Variants in DECR1 observed in about 807,000 individuals in gnomAD.
DECR1 encodes 2,4-dienoyl-CoA reductase 1, also known as 2,4-dienoyl-CoA reductase [(3E)-enoyl-CoA-producing], mitochondrial.
Under a neutral mutation model 38.8 loss-of-function variants are expected in DECR1, and 44 were observed. The ratio of observed to expected loss-of-function variants is 1.13; its 90% CI spans 0.89 to 1.46. The LOEUF (loss-of-function observed/expected upper bound fraction) is 1.46, where lower values mean the gene tolerates loss of function less well. Among genes scored for constraint, DECR1 ranks in the 40% most tolerant of loss-of-function variants. The pLI is 0.00. For synonymous variants in DECR1, 148 were observed against 135.2 expected, an observed-to-expected ratio of 1.09 and a Z score of -0.66; for missense variants, 428 against 405.5, an observed-to-expected ratio of 1.06 and a Z score of -0.48.
At chr8:90,039,127 C>A (rs1343505667) in intron 6 of DECR1, among the ~76,000 whole-genome samples, 12 of 152,144 alleles carry the variant, frequency 7.9e-5, no homozygotes, top group Admixed American at 7.9e-4. Context: ...AGTACACAGT[C>A]TTACTAAATA....
intron 6 of DECR1, among the ~76,000 whole-genome samples, chr8:90,038,096 C>T (rs934325556): frequency 1.3e-5 from 2 of 152,154 alleles, no homozygotes; most frequent in African/African-American, 4.8e-5. Flanking sequence ...ATATATGCTT[C>T]GTCCTAGGGA....
intron 5 of DECR1, 62 bp from the exon 6 acceptor site, chr8:90,036,778 GT>G (rs1217724459): frequency 2.9e-5 from 30 of 1,048,344 alleles, no homozygotes; most frequent in Non-Finnish European, 4.1e-5. Context: ...TATAAATAAT[GT>G]TTTCCTTATG....
chr8:90,018,996 AT>A, intron 3 of DECR1, 30 bp downstream of exon 3: 1 of 1,579,386 alleles, frequency 6.3e-7, no homozygotes, highest in Non-Finnish European at 8.7e-7. Flanking sequence ...TTTAATTTAG[AT>A]TTAGGAATTA....
chr8:90,009,331 A>G (rs1209719247), intron 1 of DECR1, among the ~76,000 whole-genome samples: 2 of 152,158 alleles, frequency 1.3e-5, no homozygotes, highest in Non-Finnish European at 2.9e-5. Flanking sequence ...CACCTTCTCA[A>G]TGAGGCCTTT....
At chr8:90,043,922 T>A (rs1380688457) in intron 7 of DECR1, among the ~76,000 whole-genome samples, 1 of 152,194 alleles carries the variant, frequency 6.6e-6, no homozygotes, top group Non-Finnish European at 1.5e-5. Context: ...ATTTTATTTA[T>A]TTAACCTATA....
Position 90,053,339 on chromosome 8 carries a change from C to A in DECR1, c.*1442C>A, listed in dbSNP as rs922369024. Among the ~76,000 whole-genome samples the A allele has an allele frequency of 6.6e-6, 1 of 152,154 alleles. No homozygotes were observed. The highest frequency in any genetic ancestry group is 1.9e-4 in the East Asian group (1 of 5,188). ...GAGTGAGGAGCAAAGTCATGTCTTACGTGGTGGCACCCAAGAGAGCTTGTG... is the reference window on the plus strand; with the variant it reads ...GAGTGAGGAGCAAAGTCATGTCTTAAGTGGTGGCACCCAAGAGAGCTTGTG... On this transcript the variant is annotated 3_prime_UTR_variant, in exon 10 of 10. Transcript: ENST00000220764.
intron 1 of DECR1, among the ~76,000 whole-genome samples, chr8:90,012,173 G>C (rs75575085): frequency 7.3e-4 from 107 of 147,466 alleles, no homozygotes; most frequent in Middle Eastern, 3.5e-3. Context: ...TTTTTTTTAA[G>C]AGGGAGTCTT....
intron 5 of DECR1, among the ~76,000 whole-genome samples, chr8:90,030,993 C>T (rs1245965583): frequency 1.3e-5 from 2 of 151,892 alleles, no homozygotes; most frequent in African/African-American, 4.8e-5. Context: ...AAAGGTAAAG[C>T]GATTTGAGAA....
Position 90,034,525 on chromosome 8 carries a change from C to T in DECR1, c.566-2316C>T, listed in dbSNP as rs1813572280. The stretch of plus-strand genomic sequence containing the variant: ...GGAGTGCACTGGCATCATCTCGGCT[C>T]ACTGCATCCTCTGCCTCCTGGGTTC... On this transcript the variant is annotated intron_variant, in intron 5 of 9. Transcript: ENST00000220764. Among the ~76,000 whole-genome samples, 3 of 152,130 alleles carry T rather than the reference C, an allele frequency of 2.0e-5. No homozygotes were observed. The South Asian group carries it at 6.2e-4, about 32-fold the overall frequency.
intron 5 of DECR1, among the ~76,000 whole-genome samples, chr8:90,022,663 A>G (rs1026273445): frequency 1.3e-5 from 2 of 151,404 alleles, no homozygotes; most frequent in Non-Finnish European, 2.9e-5. Flanking sequence ...CCCCTTGCTG[A>G]TATCTCCATT....
intron 5 of DECR1, among the ~76,000 whole-genome samples, chr8:90,025,484 A>G (rs1813308260): frequency 6.6e-6 from 1 of 152,172 alleles, no homozygotes; most frequent in South Asian, 2.1e-4. Context: ...CTTTGAAGCA[A>G]TTGTGAATGG....
chr8:90,025,950 G>A (rs7840431), intron 5 of DECR1, among the ~76,000 whole-genome samples: 18,340 of 152,072 alleles, frequency 0.12, 3,497 homozygotes, highest in African/African-American at 0.4. Context: ...GAATTTTGTC[G>A]AAGGCCTTTT....
intron 8 of DECR1, among the ~76,000 whole-genome samples, chr8:90,049,664 T>G (rs1449808272): frequency 6.6e-6 from 1 of 152,128 alleles, no homozygotes; most frequent in Non-Finnish European, 1.5e-5. Flanking sequence ...TTCACAGAAT[T>G]GGAAAAAACT....
chr8:90,015,749 T>C, intron 1 of DECR1: 1 of 440,820 alleles, frequency 2.3e-6, no homozygotes, highest in Non-Finnish European at 4.6e-6. Context: ...GGTGTGACCA[T>C]TAAGCTTAGC....
intron 5 of DECR1, among the ~76,000 whole-genome samples, chr8:90,024,637 A>G (rs1813279380): frequency 6.6e-6 from 1 of 152,172 alleles, no homozygotes; most frequent in Non-Finnish European, 1.5e-5. Flanking sequence ...TCAGATGGGT[A>G]GATTGCATAA....
At chr8:90,022,808 C>T (rs1034287128) in intron 5 of DECR1, among the ~76,000 whole-genome samples, 1 of 152,022 alleles carries the variant, frequency 6.6e-6, no homozygotes, top group African/African-American at 2.4e-5. Context: ...CTCTGTGACC[C>T]TCAATTTCTG....
chr8:90,025,754 C>T (rs754657655), intron 5 of DECR1, among the ~76,000 whole-genome samples: 1 of 152,126 alleles, frequency 6.6e-6, no homozygotes, highest in Non-Finnish European at 1.5e-5. Context: ...ACTTCCAACA[C>T]TATGTTGAAT....
At chr8:90,010,125 C>G (rs77889044) in intron 1 of DECR1, among the ~76,000 whole-genome samples, 1 of 152,178 alleles carries the variant, frequency 6.6e-6, no homozygotes, top group Non-Finnish European at 1.5e-5. Flanking sequence ...GATCTGTGCT[C>G]TGCGGAAGCT....
intron 5 of DECR1, among the ~76,000 whole-genome samples, chr8:90,032,099 T>C (rs745474470): frequency 3.9e-5 from 6 of 152,118 alleles, no homozygotes; most frequent in Non-Finnish European, 8.8e-5. Flanking sequence ...TCAGATCTTA[T>C]AGGCTAATAT....
Sources: gnomAD v4.1 joint callset for allele counts (sites outside exome capture counted in the v4.1 genomes callset) on GRCh38, gnomAD v4.1.1 for gene constraint, MANE v1.5 for transcripts, NCBI Gene and HGNC (gene_info 2026-07-23, HGNC 2026-07-21) for gene names.